The following CNTNAP3 variants were observed in gnomAD, a reference collection of about 807,000 sequenced individuals.
The protein encoded by CNTNAP3 is contactin-associated protein-like 3.
A neutral mutation model predicts 92.1 loss-of-function variants in CNTNAP3; 36 were observed. The ratio of observed to expected loss-of-function variants is 0.39; its 90% CI spans 0.30 to 0.52. The LOEUF (loss-of-function observed/expected upper bound fraction) is 0.52. Among genes scored for constraint, CNTNAP3 ranks in the 20% least tolerant of loss-of-function variants. CNTNAP3 has a pLI of 0.76. For missense variants in CNTNAP3, 534 were observed against 1,069.6 expected, an observed-to-expected ratio of 0.50 and a Z score of 6.98; for synonymous variants, 232 against 422.3, an observed-to-expected ratio of 0.55 and a Z score of 5.53.
chr9:39,082,897 G>C (rs1424337038), intron 21 of CNTNAP3, among the ~76,000 whole-genome samples: 1 of 152,182 alleles, frequency 6.6e-6, no homozygotes, highest in Non-Finnish European at 1.5e-5. Context: ...AGGGTCCTTT[G>C]TCTCTGTACC....
chr9:39,086,780 T>C lies in CNTNAP3; in HGVS notation c.3290A>G (p.Asn1097Ser), dbSNP rs573860982. 2.4e-5 allele frequency: 38 copies of C among 1,611,262 alleles called. No homozygotes were observed. In the African/African-American group the frequency reaches 3.9e-4, roughly 16 times the overall value. ...TTGGTGAAGTTGCCCATCAGCCATGTTTTTAAAATCAAAGGTAAATGCATC... is the reference window on the plus strand; with the variant it reads ...TTGGTGAAGTTGCCCATCAGCCATGCTTTTAAAATCAAAGGTAAATGCATC... ...NPDAFTFDFK[N>S]MADGQLHQVK... The change falls in exon 20 of 24, where the codon AAC becomes AGC. Residue 1097 changes from asparagine (N) to serine (S), a missense_variant. Physicochemically the swap from Asn to Ser is conservative, Grantham distance 46. Transcript: ENST00000297668.
intron 12 of CNTNAP3, among the ~76,000 whole-genome samples, chr9:39,137,637 C>G (rs1388795552): frequency 6.6e-6 from 1 of 151,682 alleles, no homozygotes; most frequent in Non-Finnish European, 1.5e-5. Context: ...CTCAGCCTCC[C>G]GAGTAGCTGG....
rs1180692642 is a variant in CNTNAP3 at position 39,118,211 on chromosome 9, G to T, written c.2129C>A (p.Thr710Asn). The T allele has an allele frequency of 6.2e-7, 1 of 1,609,282 alleles. No individual in the cohort carries two copies. The change falls in exon 14 of 24, where the codon ACT becomes AAT. Residue 710 changes from threonine to asparagine, a missense_variant. Thr to Asn is a moderately conservative substitution (Grantham distance 65). Coordinates refer to ENST00000297668, the MANE Select transcript of CNTNAP3 (RefSeq NM_033655.5). ...WWVGRTNETH[T>N]SWGGSLPDAQ... is the part of the protein sequence containing the mutation. ...ATCAGGCAGAGAACCTCCCCAGGAA[G>T]TGTGTGTTTCATTGGTTCTTCCAAC... is the stretch of plus-strand genomic sequence containing the variant.
chr9:39,092,873 T>G (rs1442858472), intron 18 of CNTNAP3, among the ~76,000 whole-genome samples: 4 of 142,828 alleles, frequency 2.8e-5, no homozygotes, highest in Non-Finnish European at 4.6e-5. Flanking sequence ...AGGTATTCTT[T>G]ATGTAATTTG....
chr9:39,114,081 CT>C (rs963951891), intron 14 of CNTNAP3, among the ~76,000 whole-genome samples: 1,472 of 130,270 alleles, frequency 0.011, 30 homozygotes, highest in African/African-American at 0.035. Context: ...CACACACATA[CT>C]TTTTTTTTTT....
intron 15 of CNTNAP3, among the ~76,000 whole-genome samples, chr9:39,105,761 G>A (rs1194851112): frequency 6.6e-6 from 1 of 151,904 alleles, no homozygotes; most frequent in East Asian, 1.9e-4. Context: ...ATAGAAAATG[G>A]TGTTTAGAAG....
In CNTNAP3 at chr9:39,147,123, A is replaced by T. The variant is rs201037015; in HGVS notation, c.1649+2683T>A. ...ATGCTGCCATGTAAGACGTGTCTTG[A>T]TTCTCCTTCACCTTCTGCTATCATT... On this transcript the variant is annotated intron_variant, in intron 10 of 23. Coordinates refer to ENST00000297668, the MANE Select transcript of CNTNAP3 (RefSeq NM_033655.5). Among the ~76,000 whole-genome samples, 5 of 152,116 alleles carry T rather than the reference A, an allele frequency of 3.3e-5. 1 individual carries two copies. The highest frequency in any genetic ancestry group is 9.6e-5 in the African/African-American group (4 of 41,508).
intron 15 of CNTNAP3, among the ~76,000 whole-genome samples, chr9:39,107,325 G>C (rs1826631797): frequency 2.0e-5 from 3 of 151,150 alleles, no homozygotes; most frequent in African/African-American, 7.3e-5. Flanking sequence ...AAGGAAGGAA[G>C]GAAGGAAGGA....
chr9:39,130,543 C>T (rs1333672446), intron 13 of CNTNAP3, among the ~76,000 whole-genome samples: 2 of 125,810 alleles, frequency 1.6e-5, no homozygotes, highest in African/African-American at 6.4e-5. Context: ...CTTGCTCTGT[C>T]GCCCAGGCTG....
chr9:39,125,547 C>T (rs1447782050), intron 13 of CNTNAP3, among the ~76,000 whole-genome samples: 1 of 152,004 alleles, frequency 6.6e-6, no homozygotes, highest in African/African-American at 2.4e-5. Context: ...GAGTAAACAA[C>T]AACAACAAAA....
Position 39,117,072 on chromosome 9 carries a change from AACCTCT to A in CNTNAP3, c.2237+1025_2237+1030del, listed in dbSNP as rs1820876042. Among the ~76,000 whole-genome samples the A allele has an allele frequency of 2.6e-5, 4 of 152,084 alleles. No homozygotes were observed. The South Asian group carries it at 8.3e-4, about 32-fold the overall frequency. The stretch of plus-strand genomic sequence containing the variant: ...CAGTGGCGCGATCTCGGCTCACTGC[AACCTCT>A]ACCTCCTGGGTTAAGCAATTCTCCT... On this transcript the variant is annotated intron_variant, in intron 14 of 23. Transcript: ENST00000297668.
At chr9:39,084,459 G>T (rs1826023468) in intron 21 of CNTNAP3, among the ~76,000 whole-genome samples, 6 of 152,092 alleles carry the variant, frequency 3.9e-5, no homozygotes. Flanking sequence ...CTCCCAAAGT[G>T]CTGGGATTAC....
At chr9:39,128,323 T>A (rs1243199700) in intron 13 of CNTNAP3, among the ~76,000 whole-genome samples, 2 of 152,006 alleles carry the variant, frequency 1.3e-5, no homozygotes, top group African/African-American at 4.8e-5. Context: ...CTCTTATGAA[T>A]TTGAATGCAA....
intron 8 of CNTNAP3, among the ~76,000 whole-genome samples, chr9:39,168,098 G>T (rs1370047369): frequency 7.4e-6 from 1 of 134,856 alleles, no homozygotes; most frequent in Non-Finnish European, 1.6e-5. Flanking sequence ...TTCACTGCAA[G>T]CTCCGCCTTC....
chr9:39,090,105 A>G (rs1217578686), intron 18 of CNTNAP3, among the ~76,000 whole-genome samples: 2 of 152,090 alleles, frequency 1.3e-5, no homozygotes, highest in East Asian at 3.9e-4. Flanking sequence ...ACGCGTGGCT[A>G]ATTTTTTGTA....
chr9:39,108,999 A>G (rs1261234397), intron 15 of CNTNAP3, among the ~76,000 whole-genome samples, 161 bp downstream of exon 15: 1 of 152,218 alleles, frequency 6.6e-6, no homozygotes, highest in Non-Finnish European at 1.5e-5. Context: ...ACAGATCTTC[A>G]GTACTGACTG....
chr9:39,148,478 C>A (rs373067138), intron 10 of CNTNAP3, among the ~76,000 whole-genome samples: 95 of 151,354 alleles, frequency 6.3e-4, no homozygotes, highest in Non-Finnish European at 1.3e-3. Flanking sequence ...ACTGAATTTA[C>A]TCCATGAAGA....
chr9:39,081,425 C>T (rs143670996), intron 21 of CNTNAP3, among the ~76,000 whole-genome samples: 4 of 149,674 alleles, frequency 2.7e-5, no homozygotes, highest in Non-Finnish European at 5.9e-5. Flanking sequence ...GGTCCTGCAC[C>T]CAGCCCCCTT....
In CNTNAP3 at chr9:39,068,352, C is replaced by T. The variant is rs1825557810; in HGVS notation, c.*5538G>A. On this transcript the variant is annotated 3_prime_UTR_variant, in exon 24 of 24. Transcript: ENST00000297668. ...AATGGCATGAACCCTGGAGGCGGAG[C>T]TTGCAGTGAGCCAGGATCGCGCCAC... Among the ~76,000 whole-genome samples, 1 of 152,304 alleles carries T rather than the reference C, an allele frequency of 6.6e-6. No homozygotes were observed. Among genetic ancestry groups the T allele is most frequent in the African/African-American group, 2.4e-5 (1 of 41,486 alleles).
Sources: allele counts gnomAD v4.1 joint callset (sites outside exome capture counted in the v4.1 genomes callset), GRCh38; gene constraint gnomAD v4.1.1; transcripts MANE v1.5; gene names NCBI Gene and HGNC (gene_info 2026-07-23, HGNC 2026-07-21).